Variants in SEC62 observed in about 807,000 individuals in gnomAD.
The protein encoded by SEC62 is translocation protein SEC62.
Under a neutral mutation model 47.5 loss-of-function variants are expected in SEC62, and 10 were observed. The ratio of observed to expected loss-of-function variants is 0.21; its 90% CI spans 0.13 to 0.36. The LOEUF is 0.36. SEC62 is among the 10% of genes least tolerant of loss of function. The pLI, the probability that SEC62 is intolerant of heterozygous loss-of-function variation, is 1.00. For synonymous variants in SEC62, 136 were observed against 150.5 expected, an observed-to-expected ratio of 0.90 and a Z score of 0.71; for missense variants, 327 against 464.1, an observed-to-expected ratio of 0.70 and a Z score of 2.71.
At chr3:169,972,162 T>C (rs768994391) in intron 1 of SEC62, among the ~76,000 whole-genome samples, 2 of 152,228 alleles carry the variant, frequency 1.3e-5, no homozygotes, top group Non-Finnish European at 2.9e-5. Context: ...AAATCATTTT[T>C]CTAGTTATGT....
chr3:169,987,138 T>A (rs556793715), intron 6 of SEC62, among the ~76,000 whole-genome samples: 15 of 151,984 alleles, frequency 9.9e-5, no homozygotes, highest in Non-Finnish European at 1.9e-4. Flanking sequence ...TCAAAATAAC[T>A]CTTTAAGGCT....
At chr3:169,987,644 A>G (rs1164593359) in intron 6 of SEC62, among the ~76,000 whole-genome samples, 5 of 152,182 alleles carry the variant, frequency 3.3e-5, no homozygotes, top group Non-Finnish European at 7.3e-5. Flanking sequence ...TATTCTAAAG[A>G]CCTAATAACC....
intron 1 of SEC62, among the ~76,000 whole-genome samples, chr3:169,971,239 A>T (rs888748470): frequency 2.0e-5 from 3 of 151,546 alleles, no homozygotes; most frequent in East Asian, 3.9e-4. Context: ...CACCTAGCTA[A>T]TTTTTTTTAA....
At chr3:169,974,060 T>C (rs975005079) in intron 1 of SEC62, among the ~76,000 whole-genome samples, 1 of 152,264 alleles carries the variant, frequency 6.6e-6, no homozygotes, top group Non-Finnish European at 1.5e-5. Flanking sequence ...AGACTTCTCT[T>C]AACTTTGGAA....
At chr3:169,985,747 A>G in intron 5 of SEC62, 58 bp from the exon 6 acceptor site, 3 of 1,372,094 alleles carry the variant, frequency 2.2e-6, no homozygotes, top group South Asian at 1.2e-5. Context: ...AGAATTAAGC[A>G]TTACTTTCTA....
Position 169,975,515 on chromosome 3 carries a change from G to A in SEC62, c.37-93G>A. On this transcript the variant is annotated intron_variant, in intron 1 of 7. Coordinates refer to ENST00000337002, the MANE Select transcript of SEC62 (RefSeq NM_003262.4). ...TGAAAGCAAGGCCTGTACTCCACTT[G>A]AAAAGATTCATAAAATAGATTTGTA... 3.5e-6 allele frequency: 3 copies of A among 855,888 alleles called. No homozygotes were observed. The South Asian group carries it at 4.8e-5, about 14-fold the overall frequency. The allele number at this position is 855,888 out of a possible 1,614,324, so 53.0% of individuals were successfully genotyped here. A position where few individuals can be genotyped will look rare whatever the true frequency, so the allele number is the denominator to read the frequency against.
chr3:169,987,783 T>C (rs1715143733), intron 6 of SEC62, among the ~76,000 whole-genome samples: 2 of 152,218 alleles, frequency 1.3e-5, no homozygotes, highest in South Asian at 4.1e-4. Flanking sequence ...GGGGAATCTT[T>C]CAGTCTGTGG....
At chr3:169,976,419 GTC>G (rs1338077628) in intron 2 of SEC62, among the ~76,000 whole-genome samples, 4 of 151,796 alleles carry the variant, frequency 2.6e-5, no homozygotes, top group Non-Finnish European at 5.9e-5. Flanking sequence ...GTCCTTTATC[GTC>G]TCTTTCTTTA....
Position 169,985,798 on chromosome 3 carries a change from C to A in SEC62, c.550-7C>A, listed in dbSNP as rs760164005. 1.2e-6 allele frequency: 2 copies of A among 1,606,080 alleles called. No individual in the cohort carries two copies. The highest frequency in any genetic ancestry group is 1.7e-6 in the Non-Finnish European group (2 of 1,176,538). ...TTTTAAGCACCGAGGTTTCTTGATT[C>A]TTCTAGGTGTATGTATGGATCTATG... On this transcript the variant is annotated splice_polypyrimidine_tract_variant and splice_region_variant and intron_variant, in intron 5 of 7. Coordinates refer to ENST00000337002, the MANE Select transcript of SEC62 (RefSeq NM_003262.4).
chr3:169,989,462 C>T (rs1715187777), intron 7 of SEC62, among the ~76,000 whole-genome samples: 2 of 149,456 alleles, frequency 1.3e-5, no homozygotes, highest in Admixed American at 1.3e-4. Context: ...ATTTGTAGGC[C>T]AAGAAACAAT....
chr3:169,971,899 T>C (rs12635556), intron 1 of SEC62, among the ~76,000 whole-genome samples: 43,857 of 152,112 alleles, frequency 0.29, 7,671 homozygotes, highest in African/African-American at 0.49. Flanking sequence ...CTACAATTAC[T>C]TTCCTTCCAC....
intron 7 of SEC62, among the ~76,000 whole-genome samples, chr3:169,990,444 A>G (rs1414714859): frequency 6.6e-6 from 1 of 152,042 alleles, no homozygotes; most frequent in Non-Finnish European, 1.5e-5. Flanking sequence ...CAGCTTCCCC[A>G]TAATTCTTCC....
chr3:169,967,462 A>C (rs1714562609), intron 1 of SEC62, among the ~76,000 whole-genome samples: 1 of 152,058 alleles, frequency 6.6e-6, no homozygotes, highest in African/African-American at 2.4e-5. Flanking sequence ...TTAATAGTCC[A>C]CTTGAAGCTT....
intron 7 of SEC62, among the ~76,000 whole-genome samples, chr3:169,990,562 ATTGC>A (rs1715227485): frequency 6.6e-6 from 1 of 152,020 alleles, no homozygotes; most frequent in Non-Finnish European, 1.5e-5. Context: ...CCATTTCTAT[ATTGC>A]TTTTTCTTTG....
chr3:169,982,661 C>T (rs1715004123), intron 3 of SEC62, 46 bp from the exon 4 acceptor site: 2 of 1,592,860 alleles, frequency 1.3e-6, no homozygotes, highest in African/African-American at 2.7e-5. Context: ...GCTTTTCAGT[C>T]TCTATCTATA....
intron 1 of SEC62, among the ~76,000 whole-genome samples, chr3:169,967,324 G>A (rs1714556389): frequency 6.6e-6 from 1 of 152,202 alleles, no homozygotes; most frequent in Non-Finnish European, 1.5e-5. Context: ...AAAGCAGCTG[G>A]TTCTTTGTGC....
At chr3:169,975,580 A>T (rs748655477) in intron 1 of SEC62, 28 bp from the exon 2 acceptor site, 2 of 1,355,514 alleles carry the variant, frequency 1.5e-6, no homozygotes, top group South Asian at 1.2e-5. Flanking sequence ...GTATATGATT[A>T]TACTAAATTA....
intron 1 of SEC62, among the ~76,000 whole-genome samples, chr3:169,973,645 A>G (rs190626476): frequency 0.015 from 2,262 of 151,462 alleles, 31 homozygotes; most frequent in Middle Eastern, 0.037. Context: ...CCTGGGAGAC[A>G]GAGCAAGACT....
At chr3:169,978,314 T>G (rs2108282749) in intron 3 of SEC62, among the ~76,000 whole-genome samples, 1 of 152,248 alleles carries the variant, frequency 6.6e-6, no homozygotes, top group Non-Finnish European at 1.5e-5. Context: ...AGTTGATATT[T>G]GCTTGTCTTT....
Sources: gnomAD v4.1 joint callset for allele counts (sites outside exome capture counted in the v4.1 genomes callset) on GRCh38, gnomAD v4.1.1 for gene constraint, MANE v1.5 for transcripts, NCBI Gene and HGNC (gene_info 2026-07-23, HGNC 2026-07-21) for gene names.